CSPP1: variants seen among roughly 807,000 people sequenced by gnomAD.
The protein encoded by CSPP1 is centrosome and spindle pole associated protein 1, also known as centrosome and spindle pole-associated protein 1.
CSPP1 carries 126 observed loss-of-function variants against 164.4 expected under a neutral mutation model. That is an observed-to-expected ratio of 0.77 (90% CI 0.66 to 0.89). The LOEUF (loss-of-function observed/expected upper bound fraction) is 0.89. Among genes scored for constraint, CSPP1 ranks in the 40% least tolerant of loss-of-function variants. The probability of loss-of-function intolerance (pLI) is 0.00; values close to 1 mark genes in which losing one functional copy is unlikely to be tolerated. For missense variants in CSPP1, 1,395 were observed against 1,449.8 expected, an observed-to-expected ratio of 0.96 and a Z score of 0.61; for synonymous variants, 472 against 476.7, an observed-to-expected ratio of 0.99 and a Z score of 0.13.
At position 67,113,106 on chromosome 8, in the gene CSPP1, G is replaced by A. The variant is rs189949688; in HGVS notation, c.1188-699G>A. ...TAAAAATACAAAAAATTAGCCGGGC[G>A]TGGTGGCACATGCTTGTGGTCCCAG... On this transcript the variant is annotated intron_variant, in intron 10 of 30. Transcript: ENST00000678616. Among the ~76,000 whole-genome samples the A allele has an allele frequency of 2.6e-5, 4 of 152,246 alleles. No homozygotes were observed. The South Asian group carries it at 6.2e-4, about 24-fold the overall frequency.
intron 9 of CSPP1, among the ~76,000 whole-genome samples, chr8:67,106,573 G>C (rs1369766971): frequency 6.6e-6 from 1 of 151,968 alleles, no homozygotes; most frequent in Non-Finnish European, 1.5e-5. Context: ...TCGTGATGAT[G>C]GTCTAAATTT....
intron 5 of CSPP1, among the ~76,000 whole-genome samples, 154 bp from the exon 6 acceptor site, chr8:67,093,389 T>G (rs1056024644): frequency 1.3e-5 from 2 of 152,250 alleles, no homozygotes; most frequent in African/African-American, 4.8e-5. Flanking sequence ...CCCATGCCTT[T>G]CAGTGACATC....
At chr8:67,120,002 AG>A (rs1390973027) in intron 15 of CSPP1, among the ~76,000 whole-genome samples, 1 of 152,078 alleles carries the variant, frequency 6.6e-6, no homozygotes. Context: ...TTATAATTTT[AG>A]GTCTTATGTT....
chr8:67,100,375 T>C (rs1230789482), intron 7 of CSPP1, among the ~76,000 whole-genome samples: 3 of 152,162 alleles, frequency 2.0e-5, no homozygotes, highest in African/African-American at 7.2e-5. Context: ...GATTTTTTAG[T>C]GTGGATACCT....
At chr8:67,142,971 G>A (rs1002580394) in intron 17 of CSPP1, among the ~76,000 whole-genome samples, 3 of 152,102 alleles carry the variant, frequency 2.0e-5, no homozygotes, top group Admixed American at 6.6e-5. Flanking sequence ...TTCCCCTGAC[G>A]TTAACGTCTT....
At chr8:67,156,608 C>T in intron 19 of CSPP1, among the ~76,000 whole-genome samples, 1 of 151,978 alleles carries the variant, frequency 6.6e-6, no homozygotes, top group East Asian at 1.9e-4. Flanking sequence ...TTATTACTGT[C>T]AACAATATAA....
intron 7 of CSPP1, among the ~76,000 whole-genome samples, chr8:67,096,382 G>A (rs922462512): frequency 6.6e-6 from 1 of 151,878 alleles, no homozygotes; most frequent in Non-Finnish European, 1.5e-5. Flanking sequence ...CTGACCAACA[G>A]GGTGAAACCC....
At position 67,093,536 on chromosome 8, in the gene CSPP1, T is replaced by C; in HGVS notation, c.385-7T>C. The C allele has an allele frequency of 6.4e-7, 1 of 1,572,262 alleles. No individual in the cohort carries two copies. On this transcript the variant is annotated splice_region_variant and splice_polypyrimidine_tract_variant and intron_variant, in intron 5 of 30. Transcript: ENST00000678616. The stretch of plus-strand genomic sequence containing the variant: ...TTTTAACATTGCCTTTTGATTTTTA[T>C]TTTAAGGAAAGGTTGAAACTTGAAC...
chr8:67,086,615 A>C (rs1447429306), intron 4 of CSPP1, among the ~76,000 whole-genome samples: 1 of 152,102 alleles, frequency 6.6e-6, no homozygotes, highest in East Asian at 1.9e-4. Context: ...ATAATGGCCA[A>C]AGTAAGGTTT....
At chr8:67,077,603 A>G (rs927583134) in intron 3 of CSPP1, among the ~76,000 whole-genome samples, 1 of 152,190 alleles carries the variant, frequency 6.6e-6, no homozygotes, top group African/African-American at 2.4e-5. Flanking sequence ...GGCCTCCCAA[A>G]GCTGGGGTTA....
At position 67,081,928 on chromosome 8, in the gene CSPP1, A is replaced by G. The variant is rs1159377319; in HGVS notation, c.200-4079A>G. Among the ~76,000 whole-genome samples, 6 of 152,270 alleles carry G rather than the reference A, an allele frequency of 3.9e-5. No individual in the cohort carries two copies. The East Asian group carries it at 1.2e-3, about 29-fold the overall frequency. ...CCTAATTTTTAAATTTTTTGTAGAG[A>G]TAGAGTCTTGGTATGTTGCCCCGGC... On this transcript the variant is annotated intron_variant, in intron 3 of 30. Coordinates refer to ENST00000678616, the MANE Select transcript of CSPP1 (RefSeq NM_001382391.1).
intron 1 of CSPP1, among the ~76,000 whole-genome samples, chr8:67,066,852 G>C (rs186570728): frequency 6.6e-6 from 1 of 150,476 alleles, no homozygotes; most frequent in African/African-American, 2.4e-5. Context: ...GCAGTGGTGT[G>C]ATCTCGGCTC....
At chr8:67,073,364 C>T (rs1466598047) in intron 1 of CSPP1, among the ~76,000 whole-genome samples, 2 of 152,072 alleles carry the variant, frequency 1.3e-5, no homozygotes, top group Non-Finnish European at 2.9e-5. Context: ...ATCAGGCACA[C>T]CCTAGATGAG....
chr8:67,148,134 G>A (rs1412247294), intron 17 of CSPP1, among the ~76,000 whole-genome samples: 1 of 151,906 alleles, frequency 6.6e-6, no homozygotes, highest in African/African-American at 2.4e-5. Context: ...GCCCAGGATG[G>A]TCTTAAACTC....
chr8:67,172,127 G>A (rs921617661), intron 24 of CSPP1, among the ~76,000 whole-genome samples: 1 of 151,420 alleles, frequency 6.6e-6, no homozygotes, highest in Non-Finnish European at 1.5e-5. Flanking sequence ...GGGATTATAG[G>A]CATGAGACAC....
At position 67,158,973 on chromosome 8, in the gene CSPP1, TC is replaced by T. The variant is rs1345628285; in HGVS notation, c.2392-17del. On this transcript the variant is annotated splice_polypyrimidine_tract_variant and intron_variant, in intron 20 of 30. Coordinates refer to ENST00000678616, the MANE Select transcript of CSPP1 (RefSeq NM_001382391.1). Reference sequence around the variant, plus strand: ...AGAAGGAATATATGGAATGCATATTTCTCTTTTTATTTTAAAGCAAAGGCTA... The same window carrying T: ...AGAAGGAATATATGGAATGCATATTTTCTTTTTATTTTAAAGCAAAGGCTA... 1.3e-6 allele frequency: 2 copies of T among 1,573,324 alleles called. No individual in the cohort carries two copies. Among genetic ancestry groups the T allele is most frequent in the African/African-American group, 2.8e-5 (2 of 72,374 alleles).
intron 9 of CSPP1, among the ~76,000 whole-genome samples, 157 bp downstream of exon 9, chr8:67,106,132 CAT>C (rs370134500): frequency 6.6e-6 from 1 of 152,106 alleles, no homozygotes; most frequent in Non-Finnish European, 1.5e-5. Flanking sequence ...AATCATTTAA[CAT>C]ATATAGCTCT....
At chr8:67,065,772 G>A (rs1046941805) in intron 1 of CSPP1, among the ~76,000 whole-genome samples, 1 of 152,122 alleles carries the variant, frequency 6.6e-6, no homozygotes, top group Non-Finnish European at 1.5e-5. Context: ...CAAGTGATCC[G>A]TTTGCCTCGG....
At chr8:67,155,808 A>G (rs188404301) in intron 19 of CSPP1, among the ~76,000 whole-genome samples, 1 of 152,264 alleles carries the variant, frequency 6.6e-6, no homozygotes, top group Non-Finnish European at 1.5e-5. Flanking sequence ...TCACTGTTTA[A>G]GATACAATAA....
Sources: allele counts gnomAD v4.1 joint callset (sites outside exome capture counted in the v4.1 genomes callset), GRCh38; gene constraint gnomAD v4.1.1; transcripts MANE v1.5; gene names NCBI Gene and HGNC (gene_info 2026-07-23, HGNC 2026-07-21).